Variants in QTMAN observed in about 807,000 individuals in gnomAD.
QTMAN encodes queuosine-tRNA mannosyltransferase, also known as tRNA-queuosine alpha-mannosyltransferase.
At chr2:143,952,989 C>A in the QTMAN span, 1 of 597,698 alleles carries the variant, frequency 1.7e-6, no homozygotes, top group Non-Finnish European at 3.0e-6. Context: ...ATTCTAAAAG[C>A]CAAAGTTGCT....
At chr2:144,208,302 T>A in the QTMAN span, among the ~76,000 whole-genome samples, 1 of 152,164 alleles carries the variant, frequency 6.6e-6, no homozygotes, top group African/African-American at 2.4e-5. Context: ...AACTAGAAGA[T>A]CTACTGTTCT....
chr2:144,124,995 T>C, the QTMAN span, among the ~76,000 whole-genome samples: 1 of 152,114 alleles, frequency 6.6e-6, no homozygotes. Context: ...ATTCAGAGTA[T>C]TGCTAAGTCA....
At chr2:144,270,777 C>G in the QTMAN span, among the ~76,000 whole-genome samples, 1 of 152,086 alleles carries the variant, frequency 6.6e-6, no homozygotes, top group Admixed American at 6.5e-5. Flanking sequence ...ACCTTTGTAA[C>G]AAACCTGCAC....
chr2:143,946,769 A>AT, the QTMAN span: 40 of 391,980 alleles, frequency 1.0e-4, no homozygotes, highest in South Asian at 2.3e-4. Context: ...CAGGCCACAT[A>AT]TTTTTTTTGA....
chr2:144,100,087 C>T, the QTMAN span, among the ~76,000 whole-genome samples: 2 of 152,152 alleles, frequency 1.3e-5, no homozygotes, highest in African/African-American at 2.4e-5. Flanking sequence ...AGGCTTGTTG[C>T]TGATGACGCT....
At chr2:143,967,494 C>T in the QTMAN span, among the ~76,000 whole-genome samples, 1 of 152,062 alleles carries the variant, frequency 6.6e-6, no homozygotes, top group Non-Finnish European at 1.5e-5. Context: ...CCATGCCTGG[C>T]TAATTTTTGT....
the QTMAN span, among the ~76,000 whole-genome samples, chr2:144,271,770 A>AC: frequency 5.1e-3 from 772 of 152,262 alleles, 4 homozygotes; most frequent in Non-Finnish European, 8.9e-3. Context: ...AAAAAACTGT[A>AC]CTGAGCAAGT....
At chr2:143,982,479 C>T in the QTMAN span, among the ~76,000 whole-genome samples, 2 of 151,942 alleles carry the variant, frequency 1.3e-5, no homozygotes, top group Non-Finnish European at 2.9e-5. Flanking sequence ...AGGTGATCCA[C>T]CTGCCTTGGC....
chr2:144,172,962 T>C, the QTMAN span, among the ~76,000 whole-genome samples: 1 of 151,822 alleles, frequency 6.6e-6, no homozygotes, highest in South Asian at 2.1e-4. Flanking sequence ...TCTTCTTGTG[T>C]TTTTTTTCTT....
chr2:144,010,616 G>A, the QTMAN span, among the ~76,000 whole-genome samples: 2 of 152,062 alleles, frequency 1.3e-5, no homozygotes, highest in Non-Finnish European at 1.5e-5. Flanking sequence ...AAGTCTGTCA[G>A]GATAGAACCC....
chr2:144,066,893 T>C, the QTMAN span, among the ~76,000 whole-genome samples: 1 of 152,184 alleles, frequency 6.6e-6, no homozygotes, highest in Non-Finnish European at 1.5e-5. Flanking sequence ...TCCAAATCTG[T>C]TTCTACCATG....
At chr2:143,973,561 C>T in the QTMAN span, among the ~76,000 whole-genome samples, 18 of 151,968 alleles carry the variant, frequency 1.2e-4, no homozygotes, top group Admixed American at 7.9e-4. Context: ...GAGGCCGAGA[C>T]GGGCGGATCA....
the QTMAN span, among the ~76,000 whole-genome samples, chr2:143,956,347 C>T: frequency 6.6e-6 from 1 of 152,072 alleles, no homozygotes; most frequent in African/African-American, 2.4e-5. Flanking sequence ...CTCAATGATG[C>T]ATGCTTTAAA....
At chr2:144,013,947 T>C in the QTMAN span, among the ~76,000 whole-genome samples, 1 of 152,130 alleles carries the variant, frequency 6.6e-6, no homozygotes, top group Non-Finnish European at 1.5e-5. Context: ...TTATATAACC[T>C]GTAAAGTATA....
chr2:144,022,560 CTTTTTTT>C, the QTMAN span, among the ~76,000 whole-genome samples: 18 of 104,244 alleles, frequency 1.7e-4, no homozygotes, highest in Non-Finnish European at 2.8e-4. Flanking sequence ...CTCTCTCTCT[CTTTTTTT>C]TTTTTTTTTT....
the QTMAN span, among the ~76,000 whole-genome samples, chr2:144,273,903 A>C: frequency 6.6e-6 from 1 of 152,156 alleles, no homozygotes; most frequent in Non-Finnish European, 1.5e-5. Context: ...TGGGAGGCCA[A>C]GGTGGGCGGA....
At chr2:143,973,776 G>A in the QTMAN span, among the ~76,000 whole-genome samples, 1 of 144,130 alleles carries the variant, frequency 6.9e-6, no homozygotes. Context: ...GCGACAGAGC[G>A]AAACTCCGTC....
the QTMAN span, among the ~76,000 whole-genome samples, chr2:144,304,621 T>C: frequency 2.6e-5 from 4 of 152,378 alleles, no homozygotes; most frequent in Admixed American, 1.3e-4. Context: ...TTAATAATTA[T>C]TTTAATAGAA....
the QTMAN span, among the ~76,000 whole-genome samples, chr2:143,958,667 G>A: frequency 4.6e-5 from 7 of 151,922 alleles, no homozygotes; most frequent in South Asian, 6.2e-4. Flanking sequence ...CCTTCTTTGT[G>A]CTATGGTTGA....
Sources: allele counts gnomAD v4.1 joint callset (sites outside exome capture counted in the v4.1 genomes callset), GRCh38; gene constraint gnomAD v4.1.1; transcripts MANE v1.5; gene names NCBI Gene and HGNC (gene_info 2026-07-23, HGNC 2026-07-21).